Variants in DTWD2 observed in about 807,000 individuals in gnomAD.
The protein encoded by DTWD2 is DTW motif tRNA-uridine aminocarboxypropyltransferase 2, also known as tRNA-uridine aminocarboxypropyltransferase 2.
A neutral mutation model predicts 31.8 loss-of-function variants in DTWD2; 39 were observed. The ratio of observed to expected loss-of-function variants is 1.22; its 90% CI spans 0.95 to 1.60. DTWD2 has a LOEUF of 1.60. DTWD2 is among the 40% of genes most tolerant of loss of function. DTWD2 has a pLI of 0.00. For missense variants in DTWD2, 515 were observed against 381.5 expected (o/e 1.35, Z -2.92); for synonymous variants, 180 against 142.8 (o/e 1.26, Z -1.86).
At position 118,938,112 on chromosome 5, in the gene DTWD2, A is replaced by G. The variant is rs188994774; in HGVS notation, c.404+1084T>C. Among the ~76,000 whole-genome samples the G allele has an allele frequency of 6.6e-4, 100 of 152,336 alleles. 1 individual carries two copies. Among genetic ancestry groups the G allele is most frequent in the Non-Finnish European group, 1.5e-4 (10 of 68,030 alleles). On this transcript the variant is annotated intron_variant, in intron 3 of 5. Transcript: ENST00000510708. ...GGGAGAAACATACAGCCGATATCAT[A>G]GTTAATAACGTCCACAGAGTTTGGG...
chr5:118,924,496 T>C (rs987398151), intron 4 of DTWD2, among the ~76,000 whole-genome samples: 5 of 152,208 alleles, frequency 3.3e-5, no homozygotes, highest in Admixed American at 6.5e-5. Context: ...TGTATCCATC[T>C]ACTAAGGCAG....
chr5:118,908,361 C>T (rs1175498986), intron 4 of DTWD2, among the ~76,000 whole-genome samples: 2 of 152,126 alleles, frequency 1.3e-5, no homozygotes, highest in Admixed American at 1.3e-4. Flanking sequence ...GTGTATCTAA[C>T]ACCCTAGATA....
At chr5:118,888,217 A>G (rs1752908149) in intron 4 of DTWD2, among the ~76,000 whole-genome samples, 1 of 151,940 alleles carries the variant, frequency 6.6e-6, no homozygotes, top group South Asian at 2.1e-4. Flanking sequence ...GGCACACCTA[A>G]CCCTTTGTAA....
chr5:118,935,374 A>G (rs765907458), intron 3 of DTWD2, among the ~76,000 whole-genome samples: 1 of 152,170 alleles, frequency 6.6e-6, no homozygotes, highest in South Asian at 2.1e-4. Flanking sequence ...CGGACTTGCC[A>G]ATGGTGTCTG....
intron 1 of DTWD2, among the ~76,000 whole-genome samples, chr5:118,952,071 G>C (rs758077127): frequency 2.6e-5 from 4 of 152,252 alleles, no homozygotes; most frequent in African/African-American, 9.6e-5. Context: ...AGGAGAAAGG[G>C]GTTGAGGGAT....
chr5:118,851,001 C>G (rs1036545804), intron 4 of DTWD2, among the ~76,000 whole-genome samples: 8 of 152,126 alleles, frequency 5.3e-5, no homozygotes, highest in Non-Finnish European at 1.0e-4. Context: ...AATCCCAGCA[C>G]TTTCGGAGGC....
intron 4 of DTWD2, among the ~76,000 whole-genome samples, chr5:118,917,205 A>G (rs530702677): frequency 6.6e-6 from 1 of 152,338 alleles, no homozygotes; most frequent in South Asian, 2.1e-4. Flanking sequence ...TTACCAGACA[A>G]TGACAGTGCA....
chr5:118,970,736 G>A (rs1754966290), intron 1 of DTWD2, among the ~76,000 whole-genome samples: 1 of 152,174 alleles, frequency 6.6e-6, no homozygotes, highest in Admixed American at 6.5e-5. Flanking sequence ...AGGGCAGCCA[G>A]AGAGAAACGC....
At chr5:118,925,492 T>C (rs1358556324) in intron 4 of DTWD2, among the ~76,000 whole-genome samples, 2 of 152,172 alleles carry the variant, frequency 1.3e-5, no homozygotes, top group Admixed American at 1.3e-4. Flanking sequence ...AAAATAATGA[T>C]GAAAAGTGTT....
chr5:118,978,264 G>C (rs1364331966), intron 1 of DTWD2, among the ~76,000 whole-genome samples: 1 of 151,926 alleles, frequency 6.6e-6, no homozygotes, highest in Non-Finnish European at 1.5e-5. Context: ...CCCAAAACTA[G>C]AAAAACCCTA....
At chr5:118,958,885 A>G (rs1308265184) in intron 1 of DTWD2, among the ~76,000 whole-genome samples, 28 of 152,244 alleles carry the variant, frequency 1.8e-4, no homozygotes, top group Admixed American at 1.8e-3. Flanking sequence ...AAGGCTTTCA[A>G]TAAAATCCAG....
chr5:118,943,279 C>G (rs749089879), intron 2 of DTWD2, among the ~76,000 whole-genome samples: 1 of 151,988 alleles, frequency 6.6e-6, no homozygotes, highest in Non-Finnish European at 1.5e-5. Context: ...AGGCCAGGTG[C>G]GGTGGCTCAC....
At chr5:118,875,563 GAA>G (rs34990814) in intron 4 of DTWD2, among the ~76,000 whole-genome samples, 6,049 of 44,526 alleles carry the variant, frequency 0.14, 290 homozygotes, top group African/African-American at 0.26. Context: ...CCTAGTTTCT[GAA>G]AAAAAAAAAA....
chr5:118,907,319 C>T (rs1753354855), intron 4 of DTWD2, among the ~76,000 whole-genome samples: 1 of 152,008 alleles, frequency 6.6e-6, no homozygotes, highest in Non-Finnish European at 1.5e-5. Flanking sequence ...AGGGTTCTCC[C>T]CAGAAACAGA....
At chr5:118,973,079 CT>C (rs767993540) in intron 1 of DTWD2, among the ~76,000 whole-genome samples, 9,770 of 139,824 alleles carry the variant, frequency 0.07, 684 homozygotes, top group African/African-American at 0.2. Flanking sequence ...TTGCAACCCC[CT>C]TTTTTTTTTT....
intron 1 of DTWD2, among the ~76,000 whole-genome samples, chr5:118,967,455 G>A (rs1369437742): frequency 6.6e-6 from 1 of 152,248 alleles, no homozygotes; most frequent in Admixed American, 6.5e-5. Flanking sequence ...AAAAGTGGTT[G>A]ATTCTAGGGC....
chr5:118,933,841 A>T (rs1753977796), intron 3 of DTWD2, among the ~76,000 whole-genome samples: 1 of 151,740 alleles, frequency 6.6e-6, no homozygotes, highest in Non-Finnish European at 1.5e-5. Context: ...TCCTCAGAAG[A>T]CCTAATCATC....
chr5:118,915,733 C>G (rs949035650), intron 4 of DTWD2, among the ~76,000 whole-genome samples: 1 of 152,104 alleles, frequency 6.6e-6, no homozygotes, highest in South Asian at 2.1e-4. Context: ...GAGTGGAAGC[C>G]TACAATTTCA....
intron 4 of DTWD2, among the ~76,000 whole-genome samples, chr5:118,880,120 G>C (rs959756172): frequency 3.3e-5 from 5 of 152,134 alleles, no homozygotes; most frequent in African/African-American, 1.2e-4. Flanking sequence ...TTGCACTAGT[G>C]CTCAATTCAC....
Sources: allele counts gnomAD v4.1 joint callset (sites outside exome capture counted in the v4.1 genomes callset), GRCh38; gene constraint gnomAD v4.1.1; transcripts MANE v1.5; gene names NCBI Gene and HGNC (gene_info 2026-07-23, HGNC 2026-07-21).